The following SPHKAP variants were observed in gnomAD, a reference collection of about 807,000 sequenced individuals.
SPHKAP encodes SPHK1 interactor, AKAP domain containing.
In SPHKAP, 67 loss-of-function variants were observed where a neutral mutation model predicts 137.5. The ratio of observed to expected loss-of-function variants is 0.49; its 90% confidence interval spans 0.40 to 0.60. SPHKAP has a LOEUF of 0.60. SPHKAP is among the 20% of genes least tolerant of loss of function. The pLI, the probability that SPHKAP is intolerant of heterozygous loss-of-function variation, is 0.00. For missense variants in SPHKAP, 2,097 were observed against 2,069.3 expected (o/e 1.01, Z -0.26); for synonymous variants, 813 against 785.3 (o/e 1.04, Z -0.59).
At chr2:228,041,887 T>C (rs1018886521) in intron 3 of SPHKAP, among the ~76,000 whole-genome samples, 12 of 152,056 alleles carry the variant, frequency 7.9e-5, no homozygotes, top group Admixed American at 2.6e-4. Flanking sequence ...ATGGGAGCCA[T>C]GTCCTGTGGG....
intron 1 of SPHKAP, among the ~76,000 whole-genome samples, chr2:228,154,512 C>CTCTCTCTCTCTCTATATATATA (rs1393941364): frequency 9.1e-5 from 2 of 22,068 alleles, no homozygotes; most frequent in Non-Finnish European, 1.5e-4. Flanking sequence ...CTCTCTCTCT[C>CTCTCTCTCTCTCTATATATATA]TATATATATA....
Position 228,019,203 on chromosome 2 carries a change from C to T in SPHKAP, c.1651G>A (p.Glu551Lys). 6.2e-7 allele frequency: 1 copy of T among 1,613,794 alleles called. No individual in the cohort carries two copies. The highest frequency in any genetic ancestry group is 2.2e-5 in the East Asian group (1 of 44,884). Residue 551 changes from glutamate (E) to lysine (K), a missense_variant, in exon 7 of 12, where the codon GAG (glutamate) becomes AAG (lysine). By Grantham distance (56) the Glu-to-Lys change is moderately conservative (BLOSUM62 1). Coordinates refer to ENST00000392056, the MANE Select transcript of SPHKAP (RefSeq NM_001142644.2). ...PQGLKEPSIN[E>K]YSFPSALCGM... ...CACAAAGCAGATGGAAAGGAGTACT[C>T]ATTGATGGAAGGTTCCTTGAGTCCT...
chr2:228,028,052 A>G, intron 3 of SPHKAP: 2 of 985,012 alleles, frequency 2.0e-6, no homozygotes, highest in Non-Finnish European at 2.4e-6. Context: ...TCAGCTTCCC[A>G]CTGGTCACAA....
rs562419854 is a variant in SPHKAP at position 228,056,530 on chromosome 2, T to C, written c.247-28987A>G. Among the ~76,000 whole-genome samples the C allele has an allele frequency of 9.2e-4, 140 of 152,064 alleles. 1 individual carries two copies. Among genetic ancestry groups the C allele is most frequent in the African/African-American group, 2.9e-3 (121 of 41,478 alleles). On this transcript the variant is annotated intron_variant, in intron 3 of 11. Transcript: ENST00000392056. ...TCATTCTTTCTGACTTGAGAGGTTC[T>C]TAAGTGTTTCTTTTTCAGTTCAAAA...
chr2:228,132,190 T>C (rs1316795143), intron 1 of SPHKAP, 105 bp from the exon 2 acceptor site: 4 of 979,410 alleles, frequency 4.1e-6, no homozygotes, highest in African/African-American at 3.2e-5. Context: ...ATCATCTTTT[T>C]CAGATTGCAT....
At chr2:228,075,926 C>T (rs1053442350) in intron 3 of SPHKAP, among the ~76,000 whole-genome samples, 10 of 152,166 alleles carry the variant, frequency 6.6e-5, no homozygotes, top group Admixed American at 6.5e-4. Flanking sequence ...TGGCTGTGTC[C>T]TCACTCAAAT....
intron 1 of SPHKAP, among the ~76,000 whole-genome samples, chr2:228,132,950 G>C (rs1424455610): frequency 6.6e-6 from 1 of 151,996 alleles, no homozygotes; most frequent in Non-Finnish European, 1.5e-5. Context: ...GTTGCAGTGA[G>C]CTGAGATCCC....
At chr2:228,165,009 A>G (rs1221622779) in intron 1 of SPHKAP, among the ~76,000 whole-genome samples, 1 of 152,172 alleles carries the variant, frequency 6.6e-6, no homozygotes, top group Non-Finnish European at 1.5e-5. Context: ...ATTGCATTTC[A>G]GCTGATATTA....
intron 7 of SPHKAP, among the ~76,000 whole-genome samples, chr2:228,012,030 T>C (rs1395191993): frequency 6.6e-6 from 1 of 151,696 alleles, no homozygotes. Context: ...TGGGCAGGCA[T>C]GGTGGTGCAC....
chr2:228,046,207 G>T (rs1229566094), intron 3 of SPHKAP, among the ~76,000 whole-genome samples: 1 of 146,398 alleles, frequency 6.8e-6, no homozygotes, highest in African/African-American at 2.5e-5. Flanking sequence ...ATTTTTGTTT[G>T]TTCATTAAAT....
At chr2:228,054,473 A>G (rs1696368607) in intron 3 of SPHKAP, among the ~76,000 whole-genome samples, 1 of 152,128 alleles carries the variant, frequency 6.6e-6, no homozygotes, top group Non-Finnish European at 1.5e-5. Flanking sequence ...ACATTTTGAG[A>G]AGTTTGGCAA....
intron 3 of SPHKAP, among the ~76,000 whole-genome samples, chr2:228,097,552 G>A (rs932425371): frequency 3.9e-5 from 6 of 151,956 alleles, no homozygotes; most frequent in Non-Finnish European, 2.9e-5. Context: ...GTGAAGGTTT[G>A]TTACATGGGT....
intron 3 of SPHKAP, among the ~76,000 whole-genome samples, chr2:228,064,102 A>C (rs1434307709): frequency 6.6e-6 from 1 of 152,228 alleles, no homozygotes; most frequent in African/African-American, 2.4e-5. Flanking sequence ...AGATTACTTA[A>C]AGTCAGAATC....
Position 227,981,402 on chromosome 2 carries a change from T to C in SPHKAP, c.*315A>G. 5.0e-6 allele frequency: 1 copy of C among 201,418 alleles called. No homozygotes were observed. Among genetic ancestry groups the C allele is most frequent in the Non-Finnish European group, 9.9e-6 (1 of 101,142 alleles). The allele number at this position is 201,418 out of a possible 1,614,324, so 12.5% of individuals were successfully genotyped here. A position where few individuals can be genotyped will look rare whatever the true frequency, so the allele number is the denominator to read the frequency against. On this transcript the variant is annotated 3_prime_UTR_variant, in exon 12 of 12. Transcript: ENST00000392056. ...AAATCATTTTATATGATTAAACTTA[T>C]GTGAGTGTTGTTTTCCTGGAGATTG...
At position 228,017,677 on chromosome 2, in the gene SPHKAP, C is replaced by A. The variant is rs753219417; in HGVS notation, c.3177G>T (p.Trp1059Cys). 1 of 1,613,976 alleles carries A rather than the reference C, an allele frequency of 6.2e-7. No homozygotes were observed. The highest frequency in any genetic ancestry group is 1.7e-5 in the Admixed American group (1 of 60,026). The change falls in exon 7 of 12, where the codon TGG becomes TGT. Residue 1059 changes from tryptophan (W) to cysteine (C), a missense_variant. Coordinates refer to ENST00000392056, the MANE Select transcript of SPHKAP (RefSeq NM_001142644.2). ...LTEFSMVDGMWQAQGYPRNRL... is the reference protein window; with the variant it reads ...LTEFSMVDGMCQAQGYPRNRL... ...GATTCCGGGGATAGCCCTGCGCCTG[C>A]CACATGCCGTCCACCATAGAGAACT...
chr2:228,005,074 T>G (rs561791653), intron 7 of SPHKAP, among the ~76,000 whole-genome samples: 3 of 152,340 alleles, frequency 2.0e-5, no homozygotes, highest in Non-Finnish European at 4.4e-5. Context: ...TTAGGTCCAC[T>G]TGGTGCAGAG....
chr2:228,045,650 A>G (rs1236210817), intron 3 of SPHKAP, among the ~76,000 whole-genome samples: 1 of 152,056 alleles, frequency 6.6e-6, no homozygotes, highest in Non-Finnish European at 1.5e-5. Context: ...CTAATGCTAA[A>G]TGACGAGTTA....
chr2:228,072,335 A>T (rs1301942141), intron 3 of SPHKAP, among the ~76,000 whole-genome samples: 1 of 152,186 alleles, frequency 6.6e-6, no homozygotes, highest in Non-Finnish European at 1.5e-5. Context: ...GTCTACTAAT[A>T]ATGCTTTTAT....
intron 3 of SPHKAP, among the ~76,000 whole-genome samples, chr2:228,073,450 T>A (rs768590176): frequency 2.8e-4 from 43 of 152,186 alleles, no homozygotes; most frequent in Non-Finnish European, 4.9e-4. Context: ...GGGTGTTAGG[T>A]AGGGGATAGA....
Sources: allele counts gnomAD v4.1 joint callset (sites outside exome capture counted in the v4.1 genomes callset), GRCh38; gene constraint gnomAD v4.1.1; transcripts MANE v1.5; gene names NCBI Gene and HGNC (gene_info 2026-07-23, HGNC 2026-07-21).